CNIH3: variants seen among roughly 807,000 people sequenced by gnomAD.
CNIH3 encodes protein cornichon homolog 3.
CNIH3 carries 14 observed loss-of-function variants against 24.1 expected under a neutral mutation model. The ratio of observed to expected loss-of-function variants is 0.58; its 90% CI spans 0.38 to 0.91. The LOEUF (loss-of-function observed/expected upper bound fraction) is 0.91. Among genes scored for constraint, CNIH3 ranks in the 40% least tolerant of loss-of-function variants. The probability of loss-of-function intolerance (pLI) is 0.00; values close to 1 mark genes in which losing one functional copy is unlikely to be tolerated. For missense variants in CNIH3, 178 were observed against 196.8 expected (o/e 0.90, Z 0.57); for synonymous variants, 68 against 73.8 (o/e 0.92, Z 0.40).
chr1:224,738,563 C>T (rs1180610767), intron 5 of CNIH3, among the ~76,000 whole-genome samples: 1 of 152,138 alleles, frequency 6.6e-6, no homozygotes, highest in Non-Finnish European at 1.5e-5. Context: ...TTAGATGAAT[C>T]TTTTTTTCTC....
chr1:224,629,537 C>T (rs572486529), intron 1 of CNIH3, among the ~76,000 whole-genome samples: 1 of 152,132 alleles, frequency 6.6e-6, no homozygotes, highest in Admixed American at 6.5e-5. Context: ...TTTTGTTCAC[C>T]CCTTTGTCGA....
rs2125180567 is a variant in CNIH3, at chr1:224,703,947, C to T, written c.198+19104C>T. 6.6e-6 allele frequency among the ~76,000 whole-genome samples: 1 copy of T among 152,352 alleles called. No homozygotes were observed. The highest frequency in any genetic ancestry group is 1.5e-5 in the Non-Finnish European group (1 of 68,040). ...CACCTCAGCCTACGACGTATTCCAA[C>T]TCAAAGGGAGCAACGGTGCACCAAT... On this transcript the variant is annotated intron_variant, in intron 3 of 5. Transcript: ENST00000272133. The surrounding 1 kb of genome is among the most constrained non-coding windows in gnomAD (Gnocchi z 4.2).
chr1:224,658,557 A>G (rs1394457820), intron 1 of CNIH3, among the ~76,000 whole-genome samples: 1 of 151,964 alleles, frequency 6.6e-6, no homozygotes, highest in Non-Finnish European at 1.5e-5. Flanking sequence ...AAATAGGGTC[A>G]TAGTCACTAT....
At chr1:224,649,523 C>T (rs774792875) in intron 1 of CNIH3, among the ~76,000 whole-genome samples, 11 of 152,164 alleles carry the variant, frequency 7.2e-5, no homozygotes, top group Non-Finnish European at 1.5e-4. Flanking sequence ...TACCTAATTT[C>T]CAGCACAGAG....
At chr1:224,720,252 CTTTT>C (rs10625559) in intron 3 of CNIH3, among the ~76,000 whole-genome samples, 3 of 142,102 alleles carry the variant, frequency 2.1e-5, no homozygotes, top group Non-Finnish European at 4.6e-5. Context: ...GGATAGTCAT[CTTTT>C]TTTTTTTTTT....
intron 1 of CNIH3, among the ~76,000 whole-genome samples, chr1:224,460,128 G>A (rs374938231): frequency 6.6e-6 from 1 of 152,038 alleles, no homozygotes; most frequent in Non-Finnish European, 1.5e-5. Flanking sequence ...GGTTGCTCAA[G>A]TGATCCACCC....
At chr1:224,517,087 TTTTG>T (rs1678420096) in intron 1 of CNIH3, among the ~76,000 whole-genome samples, 1 of 151,660 alleles carries the variant, frequency 6.6e-6, no homozygotes, top group African/African-American at 2.4e-5. Context: ...ATATGGTGTT[TTTTG>T]TTTGTTTGTT....
intron 3 of CNIH3, among the ~76,000 whole-genome samples, chr1:224,701,747 C>T (rs1386620868): frequency 1.3e-5 from 2 of 152,124 alleles, no homozygotes; most frequent in Non-Finnish European, 2.9e-5. Flanking sequence ...ATGTAGACAT[C>T]GTTATGGTCC....
At chr1:224,483,767 G>T (rs147188441) in intron 1 of CNIH3, among the ~76,000 whole-genome samples, 125 of 152,296 alleles carry the variant, frequency 8.2e-4, no homozygotes, top group African/African-American at 2.9e-3. Context: ...TGTGGGGGAT[G>T]ACAATCAGTA....
chr1:224,680,904 A>G (rs1163127653), intron 1 of CNIH3, 54 bp from the exon 2 acceptor site: 4 of 1,320,598 alleles, frequency 3.0e-6, no homozygotes, highest in African/African-American at 2.9e-5. Flanking sequence ...AGCTTTGGAC[A>G]TGGTGTGTTG....
At chr1:224,513,515 G>A (rs950700168), upstream of CNIH3, among the ~76,000 whole-genome samples, 12 of 151,990 alleles carry the variant, frequency 7.9e-5, no homozygotes, top group Non-Finnish European at 1.6e-4. Flanking sequence ...CAATGCCCGA[G>A]CCCCACTTCC....
chr1:224,573,625 C>G (rs865834965), intron 4 of CNIH3, among the ~76,000 whole-genome samples: 2 of 152,182 alleles, frequency 1.3e-5, no homozygotes, highest in African/African-American at 4.8e-5. Context: ...AACCCAGAGT[C>G]AGGAATTCAG....
downstream of CNIH3, among the ~76,000 whole-genome samples, chr1:224,538,800 C>T (rs1273051612): frequency 6.6e-6 from 1 of 150,770 alleles, no homozygotes; most frequent in Non-Finnish European, 1.5e-5. Flanking sequence ...GCTGGGACTA[C>T]AGGAATGGCC....
chr1:224,684,944 C>A lies in CNIH3; in HGVS notation c.198+101C>A. On this transcript the variant is annotated intron_variant, in intron 3 of 5. Transcript: ENST00000272133. This position sits in a 1 kb window ranked among gnomAD's most constrained non-coding sequence, Gnocchi z 4.2. ...AGGCTCTGCCTGCTCCAGTCCTGTC[C>A]ACCAGGGAGGCAAATGGTGGCAGGG... 1 of 1,151,906 alleles carries A rather than the reference C, an allele frequency of 8.7e-7. No individual in the cohort carries two copies. The highest frequency in any genetic ancestry group is 1.3e-6 in the Non-Finnish European group (1 of 760,138). The allele number at this position is 1,151,906 out of a possible 1,614,324, so 71.4% of individuals were successfully genotyped here.
intron 2 of CNIH3, among the ~76,000 whole-genome samples, chr1:224,527,768 C>T (rs1678900408): frequency 1.3e-5 from 2 of 152,112 alleles, no homozygotes; most frequent in South Asian, 4.1e-4. Flanking sequence ...GATCTAATCA[C>T]TGTACATTAG....
chr1:224,687,857 A>C (rs569609884), intron 3 of CNIH3, among the ~76,000 whole-genome samples: 3 of 152,256 alleles, frequency 2.0e-5, no homozygotes, highest in South Asian at 4.2e-4. Flanking sequence ...TTTTAGAGGG[A>C]ATTTTGGCTG....
chr1:224,570,004 G>A (rs1320862610), intron 4 of CNIH3, among the ~76,000 whole-genome samples: 2 of 151,980 alleles, frequency 1.3e-5, no homozygotes, highest in Non-Finnish European at 2.9e-5. Context: ...GGCTGGTCTT[G>A]AACTCCCAAC....
intron 3 of CNIH3, among the ~76,000 whole-genome samples, chr1:224,607,727 G>C (rs965198082): frequency 2.6e-5 from 4 of 152,062 alleles, no homozygotes; most frequent in Admixed American, 2.0e-4. Flanking sequence ...TAAAAGTCTC[G>C]GGGCCTACAA....
intron 2 of CNIH3, among the ~76,000 whole-genome samples, chr1:224,542,839 C>T: frequency 6.6e-6 from 1 of 152,180 alleles, no homozygotes; most frequent in East Asian, 1.9e-4. Context: ...TTATGATATT[C>T]TCCTGCTATT....
Sources: gnomAD v4.1 joint callset for allele counts (sites outside exome capture counted in the v4.1 genomes callset) on GRCh38, gnomAD v4.1.1 for gene constraint, Gnocchi (gnomAD v3.1) non-coding constraint, MANE v1.5 for transcripts, NCBI Gene and HGNC (gene_info 2026-07-23, HGNC 2026-07-21) for gene names.